LRIG1: variants seen among roughly 807,000 people sequenced by gnomAD.
The protein encoded by LRIG1 is leucine rich repeats and immunoglobulin like domains 1, also known as leucine-rich repeats and immunoglobulin-like domains protein 1.
A neutral mutation model predicts 99.2 loss-of-function variants in LRIG1; 48 were observed. The ratio of observed to expected loss-of-function variants is 0.48; its 90% CI spans 0.38 to 0.62. LRIG1 has a LOEUF of 0.62. LRIG1 is among the 20% of genes least tolerant of loss of function. The pLI, the probability that LRIG1 is intolerant of heterozygous loss-of-function variation, is 0.00. For synonymous variants in LRIG1, 772 were observed against 596.1 expected (o/e 1.29, Z -4.30); for missense variants, 1,646 against 1,434.4 (o/e 1.15, Z -2.38).
At chr3:66,381,712 G>C (rs550176041) in intron 16 of LRIG1, 81 bp from the exon 17 acceptor site, 1 of 1,455,910 alleles carries the variant, frequency 6.9e-7, no homozygotes, top group Non-Finnish European at 9.4e-7. Context: ...GAGCAAGGCC[G>C]CTAGAACAGT....
At chr3:66,460,791 T>C (rs1700338491) in intron 2 of LRIG1, among the ~76,000 whole-genome samples, 2 of 152,230 alleles carry the variant, frequency 1.3e-5, no homozygotes, top group African/African-American at 4.8e-5. Context: ...GACTCACTGA[T>C]CCTCTGGGAG....
chr3:66,441,965 AAGAC>A (rs1368277442), intron 3 of LRIG1, among the ~76,000 whole-genome samples: 1 of 152,160 alleles, frequency 6.6e-6, no homozygotes, highest in East Asian at 1.9e-4. Flanking sequence ...GTGACACAGT[AAGAC>A]AGGTCCCGGG....
chr3:66,426,203 T>C (rs2106727523), intron 3 of LRIG1, among the ~76,000 whole-genome samples: 1 of 152,312 alleles, frequency 6.6e-6, no homozygotes, highest in East Asian at 1.9e-4. Context: ...GGCCAGATGG[T>C]AAATTTTTAG....
chr3:66,496,573 G>A (rs769678598), intron 1 of LRIG1, among the ~76,000 whole-genome samples: 1 of 152,182 alleles, frequency 6.6e-6, no homozygotes, highest in Non-Finnish European at 1.5e-5. Context: ...GCACCTTTCA[G>A]ACTGTATTCT....
chr3:66,443,316 A>G (rs1286718297), intron 3 of LRIG1, among the ~76,000 whole-genome samples: 3 of 57,710 alleles, frequency 5.2e-5, no homozygotes, highest in African/African-American at 1.3e-4. Context: ...TGTTGGGGGC[A>G]GGGGATGAGT....
intron 11 of LRIG1, among the ~76,000 whole-genome samples, chr3:66,395,183 T>G (rs1305766157): frequency 1.3e-5 from 2 of 152,140 alleles, no homozygotes; most frequent in Non-Finnish European, 2.9e-5. Flanking sequence ...GCACACAGGC[T>G]TCCCTGCAAT....
At chr3:66,418,036 GT>G (rs1328646319) in intron 3 of LRIG1, among the ~76,000 whole-genome samples, 1 of 151,914 alleles carries the variant, frequency 6.6e-6, no homozygotes, top group Non-Finnish European at 1.5e-5. Context: ...ATGTTTAGTG[GT>G]CACCACCTCC....
chr3:66,410,096 A>T, intron 7 of LRIG1, 33 bp downstream of exon 7: 1 of 1,582,662 alleles, frequency 6.3e-7, no homozygotes. Context: ...GTGTCTAAAA[A>T]CACTGCCACA....
Position 66,386,076 on chromosome 3 carries a change from C to T in LRIG1, c.1694G>A (p.Arg565His), listed in dbSNP as rs759019949. Residue 565 changes from arginine to histidine, a missense_variant, in exon 13 of 19, where the codon CGT becomes CAT. Physicochemically the swap from Arg to His is conservative, Grantham distance 29. Transcript: ENST00000273261. Reference sequence around the variant, plus strand: ...GCCCTCGTGCCCGAAAGTGACCTGACGGAGGTGCAGGATGGTGGTGTACTC... The same window carrying T: ...GCCCTCGTGCCCGAAAGTGACCTGATGGAGGTGCAGGATGGTGGTGTACTC... ...VMEYTTILHL[R>H]QVTFGHEGRY... The T allele has an allele frequency of 1.7e-5, 28 of 1,614,186 alleles. 1 individual carries two copies. Among genetic ancestry groups the T allele is most frequent in the Middle Eastern group, 1.6e-4 (1 of 6,062 alleles).
At chr3:66,404,058 G>C (rs1702169331) in intron 9 of LRIG1, among the ~76,000 whole-genome samples, 1 of 152,202 alleles carries the variant, frequency 6.6e-6, no homozygotes, top group African/African-American at 2.4e-5. Context: ...ATAAGGAGAA[G>C]AATCACTGAT....
At chr3:66,431,865 C>T (rs1295239936) in intron 3 of LRIG1, among the ~76,000 whole-genome samples, 1 of 152,144 alleles carries the variant, frequency 6.6e-6, no homozygotes, top group Non-Finnish European at 1.5e-5. Context: ...AAACCAAAAG[C>T]AGGGCACACA....
At chr3:66,426,825 C>G (rs1702998601) in intron 3 of LRIG1, among the ~76,000 whole-genome samples, 1 of 152,138 alleles carries the variant, frequency 6.6e-6, no homozygotes, top group Admixed American at 6.5e-5. Context: ...GGCCAGCTCT[C>G]CATCCCTAAG....
chr3:66,379,717 G>A lies in LRIG1; in HGVS notation c.*546C>T, dbSNP rs543974878. On this transcript the variant is annotated 3_prime_UTR_variant, in exon 19 of 19. Coordinates refer to ENST00000273261, the MANE Select transcript of LRIG1 (RefSeq NM_015541.3). ...GCCTGTTGCAGGGGCATCCACACAT[G>A]AGCAGTGCTCACCTGAAGCTCCTTC... 6.5e-6 allele frequency: 1 copy of A among 152,780 alleles called. No individual in the cohort carries two copies. The highest frequency in any genetic ancestry group is 2.1e-4 in the South Asian group (1 of 4,840). The allele number at this position is 152,780 out of a possible 1,614,324, so 9.5% of individuals were successfully genotyped here.
At position 66,500,215 on chromosome 3, in the gene LRIG1, C is replaced by G. The variant is rs973005237; in HGVS notation, c.193G>C (p.Asp65His). 2.0e-6 allele frequency: 3 copies of G among 1,514,324 alleles called. No individual in the cohort carries two copies. In the African/African-American group the frequency reaches 4.3e-5, roughly 22 times the overall value. 93.8% of individuals were successfully genotyped at this position (1,514,324 alleles called of 1,614,324 possible). A position where few individuals can be genotyped will look rare whatever the true frequency, so the allele number is the denominator to read the frequency against. The stretch of plus-strand genomic sequence containing the variant: ...AGGCTCCGCGTCCAGGAGGGCAGGT[C>G]CCCGGGCAACGCAGCCAGCCCGCGC... ...GGRGLAALPG[D>H]LPSWTRSLNL... Residue 65 changes from aspartate to histidine, a missense_variant, in exon 1 of 19, where the codon GAC (aspartate) becomes CAC (histidine). By Grantham distance (81) the Asp-to-His change is moderately conservative. Transcript: ENST00000273261.
At chr3:66,494,124 C>A (rs977722929) in intron 1 of LRIG1, among the ~76,000 whole-genome samples, 3 of 152,166 alleles carry the variant, frequency 2.0e-5, no homozygotes, top group Admixed American at 1.3e-4. Flanking sequence ...GCTCCAGAAT[C>A]ATCATAAAGT....
intron 1 of LRIG1, among the ~76,000 whole-genome samples, chr3:66,477,260 C>A (rs1459434195): frequency 6.6e-6 from 1 of 152,196 alleles, no homozygotes; most frequent in East Asian, 1.9e-4. Flanking sequence ...GCTGCTGTTG[C>A]CATTAGGGCC....
At chr3:66,493,840 AG>A (rs1559827834) in intron 1 of LRIG1, among the ~76,000 whole-genome samples, 11 of 144,336 alleles carry the variant, frequency 7.6e-5, no homozygotes, top group African/African-American at 2.5e-4. Context: ...AAAAAAAGAG[AG>A]AGAGAGAGAA....
At position 66,384,230 on chromosome 3, in the gene LRIG1, CG is replaced by C; in HGVS notation, c.1831del (p.Arg611GlyfsTer52). On this transcript the variant is annotated frameshift_variant, in exon 14 of 19. Coordinates refer to ENST00000273261, the MANE Select transcript of LRIG1 (RefSeq NM_015541.3). LOFTEE classifies it high-confidence loss of function. ...TTCGAGGCGGGCCATGGTGGTGGTC[CG>C]GATGGTTATGTCGTGGGGCGTTTTG... ...FTKTPHDITI[R>X]TTTMARLECA... is the part of the protein sequence containing the mutation. The C allele has an allele frequency of 1.2e-6, 2 of 1,613,834 alleles. No individual in the cohort carries two copies. Among genetic ancestry groups the C allele is most frequent in the Non-Finnish European group, 8.5e-7 (1 of 1,179,824 alleles).
rs758199991 is a variant in LRIG1 at position 66,381,495 on chromosome 3, A to G, written c.2754T>C (p.Pro918=). 9 of 1,613,614 alleles carry G rather than the reference A, an allele frequency of 5.6e-6. No homozygotes were observed. The Admixed American group carries it at 1.5e-4, about 27-fold the overall frequency. ...WKAMEKAEGT[P]GPHKMEHGGR... is the part of the protein sequence containing the mutation. ...ATCTCATACCCATCTTATGTGGCCC[A>G]GGTGTCCCTTCAGCTTTCTCCATCG... Residue 918 remains proline (P), a synonymous_variant, in exon 17 of 19, where the codon CCT becomes CCC. Transcript: ENST00000273261.
Sources: allele counts gnomAD v4.1 joint callset (sites outside exome capture counted in the v4.1 genomes callset), GRCh38; gene constraint gnomAD v4.1.1; transcripts MANE v1.5; gene names NCBI Gene and HGNC (gene_info 2026-07-23, HGNC 2026-07-21).